IDH3A: variants seen among roughly 807,000 people sequenced by gnomAD.
IDH3A encodes isocitrate dehydrogenase (NAD(+)) 3 catalytic subunit alpha.
A neutral mutation model predicts 43.3 loss-of-function variants in IDH3A; 23 were observed. The ratio of observed to expected loss-of-function variants is 0.53; its 90% CI spans 0.38 to 0.75. The LOEUF is 0.75. Among genes scored for constraint, IDH3A ranks in the 30% least tolerant of loss-of-function variants. The pLI is 0.00. For missense variants in IDH3A, 329 were observed against 474.4 expected (o/e 0.69, Z 2.85); for synonymous variants, 154 against 163.5 (o/e 0.94, Z 0.44).
At position 78,165,014 on chromosome 15, in the gene IDH3A, G is replaced by A. The variant is rs1429951757; in HGVS notation, c.802G>A (p.Gly268Arg). 1.9e-6 allele frequency: 3 copies of A among 1,613,740 alleles called. No homozygotes were observed. Among genetic ancestry groups the A allele is most frequent in the East Asian group, 2.2e-5 (1 of 44,876 alleles). The change falls in exon 9 of 11, where the codon GGA becomes AGA. Residue 268 changes from glycine (G) to arginine (R), a missense_variant. Around this residue, in one of 3 missense-constraint regions of IDH3A, gnomAD observed 212 missense variants for 345.5 expected, o/e 0.61. Transcript: ENST00000299518. ...ILSDLCAGLI[G>R]GLGVTPSGNI... ...TAGTGACTTGTGTGCAGGATTGATC[G>A]GAGGTCTCGGTGTGACACCAAGTGG...
Position 78,163,588 on chromosome 15 carries a change from C to T in IDH3A, c.693C>T (p.Tyr231=). ...SCKDIKFNEM[Y]LDTVCLNMVQ... is the part of the protein sequence containing the mutation. ...AAGATATTAAATTTAATGAGATGTACCTTGATACAGTATGTTTGAATGTAA... is the reference window on the plus strand; with the variant it reads ...AAGATATTAAATTTAATGAGATGTATCTTGATACAGTATGTTTGAATGTAA... The change falls in exon 7 of 11, where the codon TAC becomes TAT. Residue 231 remains tyrosine, a synonymous_variant. Transcript: ENST00000299518. 1.9e-6 allele frequency: 3 copies of T among 1,606,472 alleles called. No individual in the cohort carries two copies. The highest frequency in any genetic ancestry group is 2.6e-6 in the Non-Finnish European group (3 of 1,173,404).
chr15:78,169,060 T>C lies in IDH3A; in HGVS notation c.*55T>C, dbSNP rs2074787526. On this transcript the variant is annotated 3_prime_UTR_variant, in exon 11 of 11. Transcript: ENST00000299518. ...ACTCTAAATGGACACCACATGAACC[T>C]CTGTTTAGAATACCTACGTATGTAT... The C allele has an allele frequency of 1.8e-6, 2 of 1,116,094 alleles. No individual in the cohort carries two copies. The highest frequency in any genetic ancestry group is 1.3e-5 in the South Asian group (1 of 76,028). The allele number at this position is 1,116,094 out of a possible 1,614,324, so 69.1% of individuals were successfully genotyped here.
chr15:78,158,704 T>C (rs2074651101), intron 3 of IDH3A, among the ~76,000 whole-genome samples: 1 of 151,334 alleles, frequency 6.6e-6, no homozygotes. Context: ...CTCGAACTCC[T>C]GACCTCAGGT....
chr15:78,169,008 C>G lies in IDH3A; in HGVS notation c.*3C>G. 6.3e-7 allele frequency: 1 copy of G among 1,575,060 alleles called. No homozygotes were observed. The highest frequency in any genetic ancestry group is 1.1e-5 in the South Asian group (1 of 89,400). ...GCCGAGTAAAAGATTTAGATTAACA[C>G]TTCTACAACTGGCATTTACATCAGT... On this transcript the variant is annotated 3_prime_UTR_variant, in exon 11 of 11. Coordinates refer to ENST00000299518, the MANE Select transcript of IDH3A (RefSeq NM_005530.3).
intron 1 of IDH3A, among the ~76,000 whole-genome samples, chr15:78,150,202 A>G (rs1199519213): frequency 6.6e-6 from 1 of 152,170 alleles, no homozygotes; most frequent in Non-Finnish European, 1.5e-5. Flanking sequence ...GTTTCAGATC[A>G]TCTATGCAGT....
chr15:78,151,440 G>A lies in IDH3A; in HGVS notation c.27+2010G>A, dbSNP rs145158225. ...AAAATACAAAAATTTGCTGGGCGTG[G>A]TGGCGCACGCCTGTAATCCCAGCTA... On this transcript the variant is annotated intron_variant, in intron 1 of 10. Transcript: ENST00000299518. The A allele has an allele frequency of 1.0e-2, 1,521 of 152,286 alleles. 12 individuals carry two copies. Among genetic ancestry groups the A allele is most frequent in the Non-Finnish European group, 0.016 (1,061 of 68,100 alleles). 9.4% of individuals were successfully genotyped at this position (152,286 alleles called of 1,614,324 possible).
intron 3 of IDH3A, among the ~76,000 whole-genome samples, chr15:78,159,199 C>T (rs1487401663): frequency 3.3e-5 from 5 of 152,140 alleles, no homozygotes. Context: ...AGTTATGCAA[C>T]CATCACCACA....
chr15:78,154,561 C>T (rs1370819663), intron 1 of IDH3A: 1 of 152,204 alleles, frequency 6.6e-6, no homozygotes, highest in East Asian at 1.9e-4. Flanking sequence ...ACCAGCATCT[C>T]CGCTTATGAA....
Position 78,161,769 on chromosome 15 carries a change from G to A in IDH3A, c.477+1G>A. The A allele has an allele frequency of 1.2e-6, 2 of 1,612,054 alleles. No homozygotes were observed. The highest frequency in any genetic ancestry group is 1.3e-5 in the African/African-American group (1 of 74,980). ...AGAATACAGTGGAATTGAGCATGTG[G>A]TATGTTCACTCCAGATTCTTTTTTA... is the stretch of plus-strand genomic sequence containing the variant. On this transcript the variant is annotated splice_donor_variant, in intron 5 of 10. Coordinates refer to ENST00000299518, the MANE Select transcript of IDH3A (RefSeq NM_005530.3). LOFTEE classifies it high-confidence loss of function. This position sits in a 1 kb window ranked among gnomAD's most constrained non-coding sequence, Gnocchi z 4.8.
In IDH3A at chr15:78,171,285, G is replaced by A. The variant is rs978421978; in HGVS notation, c.*2280G>A. 18 of 549,026 alleles carry A rather than the reference G, an allele frequency of 3.3e-5. No individual in the cohort carries two copies. Among genetic ancestry groups the A allele is most frequent in the Non-Finnish European group, 4.5e-5 (14 of 308,930 alleles). 34.0% of individuals were successfully genotyped at this position (549,026 alleles called of 1,614,324 possible). The stretch of plus-strand genomic sequence containing the variant: ...CTTGGAATTGTCAGCTATTGTTGGC[G>A]TAAGACCTGGTAAATGTAGAGCCAG... On this transcript the variant is annotated 3_prime_UTR_variant, in exon 11 of 11. Coordinates refer to ENST00000299518, the MANE Select transcript of IDH3A (RefSeq NM_005530.3).
chr15:78,167,711 CTA>C (rs2074762971), intron 10 of IDH3A: 1 of 152,188 alleles, frequency 6.6e-6, no homozygotes, highest in South Asian at 2.1e-4. Context: ...CTTCCTGTCT[CTA>C]TGAATTTGAC....
chr15:78,167,630 A>C (rs1281426799), intron 10 of IDH3A: 1 of 152,090 alleles, frequency 6.6e-6, no homozygotes, highest in Non-Finnish European at 1.5e-5. Flanking sequence ...CATTTTCTCA[A>C]ACTGAGACTC....
rs761805699 is a variant in IDH3A at position 78,149,419 on chromosome 15, T to G, written c.16T>G (p.Trp6Gly). 3.2e-6 allele frequency: 5 copies of G among 1,554,220 alleles called. No individual in the cohort carries two copies. The highest frequency in any genetic ancestry group is 1.4e-5 in the African/African-American group (1 of 70,964). Residue 6 changes from tryptophan (W) to glycine (G), a missense_variant, in exon 1 of 11, where the codon TGG (tryptophan) becomes GGG (glycine). By Grantham distance (184) the Trp-to-Gly change is radical. Coordinates refer to ENST00000299518, the MANE Select transcript of IDH3A (RefSeq NM_005530.3). ...AGGGGAAGCGATGGCTGGGCCCGCG[T>G]GGATCTCTAAGGTGAGCGCTGGCAG... MAGPAWISKVSRLLGA... is the reference protein window; with the variant it reads MAGPAGISKVSRLLGA...
intron 1 of IDH3A, among the ~76,000 whole-genome samples, chr15:78,152,146 C>T (rs2074581868): frequency 6.7e-6 from 1 of 148,238 alleles, no homozygotes; most frequent in Non-Finnish European, 1.5e-5. Context: ...GCAACCTCCA[C>T]CTCCTGGGTT....
At position 78,149,397 on chromosome 15, in the gene IDH3A, G is replaced by C; in HGVS notation, c.-7G>C. 1.3e-6 allele frequency: 2 copies of C among 1,548,570 alleles called. No homozygotes were observed. The highest frequency in any genetic ancestry group is 1.7e-6 in the Non-Finnish European group (2 of 1,154,758). On this transcript the variant is annotated 5_prime_UTR_variant, in exon 1 of 11. Coordinates refer to ENST00000299518, the MANE Select transcript of IDH3A (RefSeq NM_005530.3). ...CGGCTGTTGCTGCGGAGCCAGGAGG[G>C]GAAGCGATGGCTGGGCCCGCGTGGA...
chr15:78,155,632 A>G (rs1186865632), intron 2 of IDH3A: 1 of 195,808 alleles, frequency 5.1e-6, no homozygotes, highest in East Asian at 1.5e-4. Context: ...GAGAAGCTTC[A>G]AAACCTGCTT....
At chr15:78,151,761 A>G (rs1046808936) in intron 1 of IDH3A, among the ~76,000 whole-genome samples, 6 of 151,958 alleles carry the variant, frequency 3.9e-5, no homozygotes, top group Non-Finnish European at 8.8e-5. Flanking sequence ...AATAATGCCT[A>G]TCTCTACAGG....
intron 1 of IDH3A, among the ~76,000 whole-genome samples, chr15:78,152,159 A>C (rs2074582041): frequency 1.3e-5 from 2 of 148,312 alleles, no homozygotes; most frequent in African/African-American, 5.0e-5. Context: ...CCTGGGTTCA[A>C]GCGATTCTCC....
At position 78,162,272 on chromosome 15, in the gene IDH3A, C is replaced by G. The variant is rs543642336; in HGVS notation, c.516C>G (p.Thr172=). The G allele has an allele frequency of 1.2e-6, 2 of 1,614,058 alleles. No individual in the cohort carries two copies. The highest frequency in any genetic ancestry group is 1.7e-6 in the Non-Finnish European group (2 of 1,180,032). ...DGVVQSIKLI[T]EGASKRIAEF... is the part of the protein sequence containing the mutation. ...TCGTGCAGAGTATCAAGCTCATCACCGAGGGGGCGAGCAAGCGCATTGCTG... is the reference window on the plus strand; with the variant it reads ...TCGTGCAGAGTATCAAGCTCATCACGGAGGGGGCGAGCAAGCGCATTGCTG... The change falls in exon 6 of 11, where the codon ACC becomes ACG. Residue 172 remains threonine (T), a synonymous_variant. Coordinates refer to ENST00000299518, the MANE Select transcript of IDH3A (RefSeq NM_005530.3).
Sources: gnomAD v4.1 joint callset for allele counts (sites outside exome capture counted in the v4.1 genomes callset) on GRCh38, gnomAD v4.1.1 for gene constraint, gnomAD v4.1.1 regional missense constraint, Gnocchi (gnomAD v3.1) non-coding constraint, MANE v1.5 for transcripts, NCBI Gene and HGNC (gene_info 2026-07-23, HGNC 2026-07-21) for gene names.